AQR: variants seen among roughly 807,000 people sequenced by gnomAD.
AQR encodes the protein RNA helicase aquarius.
Under a neutral mutation model 180.5 loss-of-function variants are expected in AQR, and 61 were observed. That is an observed-to-expected ratio of 0.34 (90% CI 0.28 to 0.42). AQR has a LOEUF of 0.42. Ranked by LOEUF, AQR falls within the 10% of genes least tolerant of loss-of-function variation. The pLI, the probability that AQR is intolerant of heterozygous loss-of-function variation, is 1.00. For missense variants in AQR, 1,281 were observed against 1,798.3 expected (o/e 0.71, Z 5.20); for synonymous variants, 551 against 588.8 (o/e 0.94, Z 0.93).
chr15:34,891,527 G>A (rs1893148382), intron 23 of AQR, among the ~76,000 whole-genome samples: 1 of 152,102 alleles, frequency 6.6e-6, no homozygotes, highest in African/African-American at 2.4e-5. Flanking sequence ...AACCAAGGCA[G>A]GTGTTTAGCA....
intron 31 of AQR, chr15:34,870,220 G>C (rs958618619): frequency 6.6e-6 from 1 of 151,964 alleles, no homozygotes; most frequent in African/African-American, 2.4e-5. Context: ...CATGTTCATA[G>C]CCAAAGTCCT....
chr15:34,929,751 A>G (rs993554001), intron 12 of AQR, among the ~76,000 whole-genome samples: 3 of 152,106 alleles, frequency 2.0e-5, no homozygotes, highest in African/African-American at 7.3e-5. Context: ...TACTTTAAAC[A>G]GAAATAGCTG....
At chr15:34,864,749 G>A (rs571639393) in intron 32 of AQR, among the ~76,000 whole-genome samples, 2 of 152,190 alleles carry the variant, frequency 1.3e-5, no homozygotes, top group Admixed American at 6.5e-5. Flanking sequence ...GTATGGTCTC[G>A]GAGAAAACTT....
At chr15:34,920,497 T>C in intron 13 of AQR, 63 bp from the exon 14 acceptor site, 1 of 1,253,026 alleles carries the variant, frequency 8.0e-7, no homozygotes, top group South Asian at 1.3e-5. Flanking sequence ...TTGAAACATG[T>C]ATTTTTACAA....
intron 20 of AQR, among the ~76,000 whole-genome samples, chr15:34,899,177 C>CA (rs910583644): frequency 9.1e-4 from 133 of 146,480 alleles, no homozygotes; most frequent in Non-Finnish European, 1.2e-3. Flanking sequence ...ATCTCAAAAA[C>CA]AAAAAAAAAA....
chr15:34,926,325 C>T (rs995564656), intron 13 of AQR, among the ~76,000 whole-genome samples: 32 of 152,234 alleles, frequency 2.1e-4, no homozygotes, highest in African/African-American at 7.5e-4. Context: ...CAGTTTATTA[C>T]ATTTTAAATA....
At chr15:34,923,529 A>C in intron 13 of AQR, among the ~76,000 whole-genome samples, 1 of 152,142 alleles carries the variant, frequency 6.6e-6, no homozygotes, top group South Asian at 2.1e-4. Flanking sequence ...ACCCACGATC[A>C]CAAAAATTTT....
chr15:34,914,937 G>T, intron 16 of AQR, 101 bp downstream of exon 16: 2 of 1,261,178 alleles, frequency 1.6e-6, no homozygotes, highest in East Asian at 2.6e-5. Context: ...GGGCACTTTT[G>T]TCTCAGTATA....
Position 34,930,265 on chromosome 15 carries a change from G to T in AQR, c.1007C>A (p.Ser336Tyr), listed in dbSNP as rs758263003. 14 of 1,573,232 alleles carry T rather than the reference G, an allele frequency of 8.9e-6. No homozygotes were observed. The highest frequency in any genetic ancestry group is 1.2e-5 in the Non-Finnish European group (14 of 1,144,422). Residue 336 changes from serine (S) to tyrosine (Y), a missense_variant, in exon 12 of 35, where the codon TCT becomes TAT. Coordinates refer to ENST00000156471, the MANE Select transcript of AQR (RefSeq NM_014691.3). ...ATAATGTATTTTAATTACCTGTAGAGAAGTAATTCTATCATAGTGAATTGT... is the reference window on the plus strand; with the variant it reads ...ATAATGTATTTTAATTACCTGTAGATAAGTAATTCTATCATAGTGAATTGT... Reference protein sequence around the residue: ...MTTIHYDRITSLQRAAFAHFP... With the variant: ...MTTIHYDRITYLQRAAFAHFP...
At chr15:34,908,889 T>A (rs1893458292) in intron 17 of AQR, among the ~76,000 whole-genome samples, 1 of 152,174 alleles carries the variant, frequency 6.6e-6, no homozygotes, top group Non-Finnish European at 1.5e-5. Flanking sequence ...GTGTTTAATA[T>A]CTCCTTAAGC....
At position 34,851,792 on chromosome 15, in the gene AQR, A is replaced by C. The variant is rs1435665885; in HGVS notation, c.*5000T>G. The C allele has an allele frequency of 6.6e-6, 1 of 152,246 alleles. No homozygotes were observed. Among genetic ancestry groups the C allele is most frequent in the Non-Finnish European group, 1.5e-5 (1 of 68,036 alleles). 9.4% of individuals were successfully genotyped at this position (152,246 alleles called of 1,614,324 possible). ...AGAAAGCCAGACACATTGGAAATAC[A>C]AACTCTTCTTTTACTGCATAAGAAA... On this transcript the variant is annotated 3_prime_UTR_variant, in exon 35 of 35. Coordinates refer to ENST00000156471, the MANE Select transcript of AQR (RefSeq NM_014691.3).
At chr15:34,949,601 G>A (rs1426726174) in intron 4 of AQR, among the ~76,000 whole-genome samples, 4 of 58,002 alleles carry the variant, frequency 6.9e-5, no homozygotes, top group East Asian at 4.8e-4. Context: ...GTGAGACTCC[G>A]TCACAAAAAA....
chr15:34,905,336 G>A (rs575667952), intron 18 of AQR, among the ~76,000 whole-genome samples: 18 of 152,102 alleles, frequency 1.2e-4, no homozygotes, highest in Middle Eastern at 3.4e-3. Flanking sequence ...AGACATGTAT[G>A]CAGTTGTAAT....
chr15:34,942,623 G>A (rs1030925811), intron 6 of AQR, among the ~76,000 whole-genome samples: 3 of 152,148 alleles, frequency 2.0e-5, no homozygotes, highest in East Asian at 1.9e-4. Flanking sequence ...GATAAGCTTC[G>A]TTCAGGCATA....
At chr15:34,893,944 T>C (rs144916281) in intron 22 of AQR, among the ~76,000 whole-genome samples, 171 bp from the exon 23 acceptor site, 5 of 152,122 alleles carry the variant, frequency 3.3e-5, no homozygotes, top group African/African-American at 1.2e-4. Flanking sequence ...GATAGATCAG[T>C]AAGCTACACA....
At chr15:34,867,255 G>C (rs774410624) in intron 32 of AQR, among the ~76,000 whole-genome samples, 22 of 152,036 alleles carry the variant, frequency 1.4e-4, no homozygotes, top group Non-Finnish European at 2.9e-4. Flanking sequence ...AGATACAGGA[G>C]AGATTAAGAT....
chr15:34,929,686 T>C (rs1350962003), intron 12 of AQR, among the ~76,000 whole-genome samples: 3 of 152,202 alleles, frequency 2.0e-5, no homozygotes, highest in Non-Finnish European at 4.4e-5. Context: ...ACAAAAGAGT[T>C]TGAACTGAAT....
rs773265256 is a variant in AQR at position 34,944,269 on chromosome 15, A to G, written c.471+19T>C. On this transcript the variant is annotated intron_variant, in intron 6 of 34. Transcript: ENST00000156471. ...ACAAGAAAACTTGAAAATTACCCCAAAATATAAAGTAAAAGTACCAAACTA... is the reference window on the plus strand; with the variant it reads ...ACAAGAAAACTTGAAAATTACCCCAGAATATAAAGTAAAAGTACCAAACTA... The G allele has an allele frequency of 7.0e-6, 11 of 1,562,214 alleles. No homozygotes were observed. Among genetic ancestry groups the G allele is most frequent in the African/African-American group, 2.8e-5 (2 of 71,778 alleles).
intron 28 of AQR, among the ~76,000 whole-genome samples, chr15:34,875,222 C>T (rs941482457): frequency 2.6e-5 from 4 of 152,218 alleles, no homozygotes; most frequent in South Asian, 2.1e-4. Flanking sequence ...TGGAAAGATG[C>T]GAAATAAACA....
Sources: gnomAD v4.1 joint callset for allele counts (sites outside exome capture counted in the v4.1 genomes callset) on GRCh38, gnomAD v4.1.1 for gene constraint, MANE v1.5 for transcripts, NCBI Gene and HGNC (gene_info 2026-07-23, HGNC 2026-07-21) for gene names.